MCTP2: variants seen among roughly 807,000 people sequenced by gnomAD.
MCTP2 encodes multiple C2 and transmembrane domain containing 2, also known as multiple C2 and transmembrane domain-containing protein 2.
MCTP2 carries 132 observed loss-of-function variants against 111.6 expected under a neutral mutation model. The observed-to-expected ratio is 1.18, with a 90% CI of 1.03 to 1.37. The LOEUF (loss-of-function observed/expected upper bound fraction) is 1.37, where lower values mean the gene tolerates loss of function less well. MCTP2 is among the 40% of genes most tolerant of loss of function. The pLI, the probability that MCTP2 is intolerant of heterozygous loss-of-function variation, is 0.00. For missense variants in MCTP2, 1,183 were observed against 1,067.9 expected, an observed-to-expected ratio of 1.11 and a Z score of -1.50; for synonymous variants, 395 against 387.7, an observed-to-expected ratio of 1.02 and a Z score of -0.22.
chr15:94,350,970 T>G (rs1264594733), intron 8 of MCTP2, among the ~76,000 whole-genome samples: 1 of 152,168 alleles, frequency 6.6e-6, no homozygotes, highest in Non-Finnish European at 1.5e-5. Context: ...AGTCTTTAAC[T>G]ATTTTTTTAA....
rs1430998629 is a variant in MCTP2, at chr15:94,480,839, C to T, written c.*1805C>T. 6.6e-6 allele frequency: 1 copy of T among 152,068 alleles called. No homozygotes were observed. The highest frequency in any genetic ancestry group is 1.5e-5 in the Non-Finnish European group (1 of 68,016). The allele number at this position is 152,068 out of a possible 1,614,324, so 9.4% of individuals were successfully genotyped here. On this transcript the variant is annotated 3_prime_UTR_variant, in exon 23 of 23. Coordinates refer to ENST00000357742, the MANE Select transcript of MCTP2 (RefSeq NM_001385001.1). ...AGAATTTCAAAATGAAATTATTTGC[C>T]CGACAAGAAGGCATCATTAGTTAGA...
At chr15:94,403,167 G>A (rs1818086697) in intron 17 of MCTP2, 1 of 985,280 alleles carries the variant, frequency 1.0e-6, no homozygotes, top group African/African-American at 1.7e-5. Context: ...GACCTATGCT[G>A]CCTGTAGGCT....
chr15:94,370,003 A>G (rs1237548250), intron 11 of MCTP2, 84 bp from the exon 12 acceptor site: 1 of 737,618 alleles, frequency 1.4e-6, no homozygotes, highest in Non-Finnish European at 2.1e-6. Flanking sequence ...AGATAAATCT[A>G]GGATGCACTT....
In MCTP2 at chr15:94,381,541, G is replaced by A. The variant is rs550052884; in HGVS notation, c.1583-2481G>A. Among the ~76,000 whole-genome samples, 10 of 152,312 alleles carry A rather than the reference G, an allele frequency of 6.6e-5. No homozygotes were observed. The South Asian group carries it at 1.9e-3, about 28-fold the overall frequency. On this transcript the variant is annotated intron_variant, in intron 12 of 22. Coordinates refer to ENST00000357742, the MANE Select transcript of MCTP2 (RefSeq NM_001385001.1). ...CCCACCTGTGCCTCAACAGGACCAG[G>A]CAGCATCTCTGCCCTGCTGTGGAGT...
At chr15:94,285,276 A>G (rs144264860) in intron 1 of MCTP2, among the ~76,000 whole-genome samples, 300 of 152,212 alleles carry the variant, frequency 2.0e-3, no homozygotes, top group African/African-American at 6.9e-3. Context: ...GCTGGTCACA[A>G]AGGCACCTCT....
At chr15:94,249,531 G>T (rs2072256174) in intron 1 of MCTP2, among the ~76,000 whole-genome samples, 1 of 151,688 alleles carries the variant, frequency 6.6e-6, no homozygotes, top group Admixed American at 6.6e-5. Flanking sequence ...TGTCACCCAG[G>T]CTGGAGTGCA....
intron 1 of MCTP2, among the ~76,000 whole-genome samples, chr15:94,294,004 A>G (rs2075145385): frequency 6.6e-6 from 1 of 152,214 alleles, no homozygotes; most frequent in South Asian, 2.1e-4. Context: ...ATTGTGGTAC[A>G]TCCACACAAT....
intron 10 of MCTP2, among the ~76,000 whole-genome samples, chr15:94,361,604 T>C (rs1028660113): frequency 2.0e-5 from 3 of 152,228 alleles, no homozygotes; most frequent in Non-Finnish European, 4.4e-5. Context: ...TTTGAGATTT[T>C]TCTGCACGTA....
intron 2 of MCTP2, among the ~76,000 whole-genome samples, chr15:94,302,280 G>GAGT (rs1261287229): frequency 6.6e-6 from 1 of 152,218 alleles, no homozygotes; most frequent in Non-Finnish European, 1.5e-5. Flanking sequence ...GATAGGCAGA[G>GAGT]AGTAAGCCTG....
rs529910451 is a variant in MCTP2 at position 94,344,655 on chromosome 15, A to C, written c.970-474A>C. Among the ~76,000 whole-genome samples the C allele has an allele frequency of 1.8e-3, 272 of 152,268 alleles. 1 individual carries two copies. The highest frequency in any genetic ancestry group is 8.9e-3 in the South Asian group (43 of 4,830). Reference sequence around the variant, plus strand: ...TGCAATAATTATTCATATTTTGTCTAGTGTTTTGAATACTGAGATTTACTT... The same window carrying C: ...TGCAATAATTATTCATATTTTGTCTCGTGTTTTGAATACTGAGATTTACTT... On this transcript the variant is annotated intron_variant, in intron 7 of 22. Transcript: ENST00000357742.
At chr15:94,245,568 GTA>G (rs1318734295) in intron 1 of MCTP2, among the ~76,000 whole-genome samples, 2 of 140,826 alleles carry the variant, frequency 1.4e-5, no homozygotes, top group African/African-American at 2.6e-5. Flanking sequence ...ATACATATAT[GTA>G]TATATACGTA....
intron 1 of MCTP2, among the ~76,000 whole-genome samples, chr15:94,242,942 T>C (rs1175446705): frequency 7.3e-6 from 1 of 137,790 alleles, no homozygotes; most frequent in South Asian, 2.3e-4. Context: ...CACGTGTATA[T>C]GTAGATACAC....
intron 1 of MCTP2, among the ~76,000 whole-genome samples, chr15:94,279,773 AT>A (rs2074386509): frequency 6.6e-6 from 1 of 151,902 alleles, no homozygotes; most frequent in Non-Finnish European, 1.5e-5. Flanking sequence ...TTTATTTATT[AT>A]GTTCCTTTGA....
intron 17 of MCTP2, among the ~76,000 whole-genome samples, chr15:94,409,537 A>G (rs187854076): frequency 1.3e-5 from 2 of 152,202 alleles, no homozygotes; most frequent in South Asian, 2.1e-4. Context: ...ACAGATCCCA[A>G]GTAGTGCAGT....
Position 94,243,034 on chromosome 15 carries a change from TACACGTGTATATGTGTATCTACAC to T in MCTP2, c.-66+11372_-66+11395del, listed in dbSNP as rs2071140127. Reference sequence around the variant, plus strand: ...ACACGTGTATATGTGTATCTACACATACACGTGTATATGTGTATCTACACATACACGTGTATATGTGTATCTACA... The same window carrying T: ...ACACGTGTATATGTGTATCTACACATATACACGTGTATATGTGTATCTACA... On this transcript the variant is annotated intron_variant, in intron 1 of 22. Transcript: ENST00000357742. 2.1e-5 allele frequency among the ~76,000 whole-genome samples: 2 copies of T among 93,886 alleles called. 1 individual carries two copies. The highest frequency in any genetic ancestry group is 8.4e-5 in the African/African-American group (2 of 23,760). 61.6% of individuals were successfully genotyped at this position (93,886 alleles called of 152,430 possible).
At chr15:94,411,909 T>C (rs1444364274) in intron 17 of MCTP2, among the ~76,000 whole-genome samples, 5 of 152,198 alleles carry the variant, frequency 3.3e-5, no homozygotes, top group African/African-American at 1.2e-4. Flanking sequence ...ACTTTTCTAT[T>C]GCTTCCCAAG....
At chr15:94,376,502 T>C (rs1313767816) in intron 12 of MCTP2, among the ~76,000 whole-genome samples, 1 of 152,218 alleles carries the variant, frequency 6.6e-6, no homozygotes, top group Non-Finnish European at 1.5e-5. Flanking sequence ...CTCCATGTCC[T>C]CATGGGTATT....
intron 3 of MCTP2, chr15:94,314,765 G>T (rs989680798): frequency 2.2e-6 from 1 of 458,568 alleles, no homozygotes; most frequent in East Asian, 6.9e-5. Flanking sequence ...AATTTAATTG[G>T]GCTCATGTAA....
chr15:94,454,024 T>C (rs1052102614), intron 19 of MCTP2, among the ~76,000 whole-genome samples: 1 of 152,200 alleles, frequency 6.6e-6, no homozygotes, highest in African/African-American at 2.4e-5. Context: ...ATCGTACATA[T>C]ATGAAAAATG....
Sources: allele counts gnomAD v4.1 joint callset (sites outside exome capture counted in the v4.1 genomes callset), GRCh38; gene constraint gnomAD v4.1.1; transcripts MANE v1.5; gene names NCBI Gene and HGNC (gene_info 2026-07-23, HGNC 2026-07-21).